HS3ST5: variants seen among roughly 807,000 people sequenced by gnomAD.
HS3ST5 encodes the protein heparan sulfate-glucosamine 3-sulfotransferase 5, also known as heparan sulfate glucosamine 3-O-sulfotransferase 5.
HS3ST5 carries 10 observed loss-of-function variants against 25.4 expected under a neutral mutation model. The observed-to-expected ratio is 0.39, with a 90% confidence interval of 0.24 to 0.67. The LOEUF (loss-of-function observed/expected upper bound fraction) is 0.67. Ranked by LOEUF, HS3ST5 falls within the 30% of genes least tolerant of loss-of-function variation. The pLI is 0.44. For synonymous variants in HS3ST5, 170 were observed against 162.4 expected (o/e 1.05, Z -0.36); for missense variants, 324 against 420.7 (o/e 0.77, Z 2.01).
At chr6:114,319,969 T>C (rs935267368) in intron 1 of HS3ST5, among the ~76,000 whole-genome samples, 1 of 152,102 alleles carries the variant, frequency 6.6e-6, no homozygotes, top group East Asian at 1.9e-4. Flanking sequence ...TGTTAGTTTT[T>C]CATTTGCATC....
chr6:114,255,516 G>A (rs909579664), intron 1 of HS3ST5, among the ~76,000 whole-genome samples: 2 of 152,268 alleles, frequency 1.3e-5, no homozygotes, highest in Admixed American at 6.5e-5. Context: ...TGGGAACTCT[G>A]TGTGGGAGCC....
At chr6:114,226,743 T>C (rs1223951305) in intron 2 of HS3ST5, among the ~76,000 whole-genome samples, 1 of 152,036 alleles carries the variant, frequency 6.6e-6, no homozygotes, top group African/African-American at 2.4e-5. Flanking sequence ...TCAGGTTCCC[T>C]GAAACTACAT....
chr6:114,115,916 T>G (rs1776503933), intron 3 of HS3ST5, among the ~76,000 whole-genome samples: 1 of 152,064 alleles, frequency 6.6e-6, no homozygotes, highest in Admixed American at 6.6e-5. Flanking sequence ...TATATGATCT[T>G]TTATGCCCTG....
chr6:114,066,191 C>T (rs559449624), intron 3 of HS3ST5, among the ~76,000 whole-genome samples: 38 of 152,344 alleles, frequency 2.5e-4, no homozygotes, highest in African/African-American at 9.1e-4. Flanking sequence ...AACCGACTGA[C>T]TGACTCAGAA....
At chr6:114,108,634 G>T (rs537489119) in intron 3 of HS3ST5, among the ~76,000 whole-genome samples, 11 of 152,118 alleles carry the variant, frequency 7.2e-5, no homozygotes, top group Admixed American at 2.0e-4. Context: ...AAAGGACCTA[G>T]GTCCATTTTC....
At chr6:114,313,140 T>C (rs1016988062) in intron 1 of HS3ST5, among the ~76,000 whole-genome samples, 3 of 147,478 alleles carry the variant, frequency 2.0e-5, no homozygotes, top group Admixed American at 6.9e-5. Context: ...AAAACCACAG[T>C]GAGAGATCAG....
At chr6:114,326,241 T>A (rs748762065) in intron 1 of HS3ST5, among the ~76,000 whole-genome samples, 9 of 151,920 alleles carry the variant, frequency 5.9e-5, no homozygotes, top group Non-Finnish European at 1.2e-4. Context: ...ATATAAAAAA[T>A]TAGCGGGGCA....
intron 3 of HS3ST5, among the ~76,000 whole-genome samples, chr6:114,146,239 A>T (rs1778156165): frequency 6.6e-6 from 1 of 152,272 alleles, no homozygotes; most frequent in South Asian, 2.1e-4. Context: ...TATTTGAAAT[A>T]GAAATCTGCG....
At chr6:114,119,942 C>T (rs559939005) in intron 3 of HS3ST5, among the ~76,000 whole-genome samples, 6 of 152,140 alleles carry the variant, frequency 3.9e-5, no homozygotes, top group Non-Finnish European at 5.9e-5. Context: ...GTCAGGAGTT[C>T]GAGACCGGCC....
At chr6:114,195,317 G>C (rs1052331616) in intron 2 of HS3ST5, among the ~76,000 whole-genome samples, 3 of 152,094 alleles carry the variant, frequency 2.0e-5, no homozygotes, top group Non-Finnish European at 4.4e-5. Flanking sequence ...AATCCTGTAT[G>C]CTGGAGAAAA....
chr6:114,119,691 C>T (rs1582621517), intron 3 of HS3ST5, among the ~76,000 whole-genome samples: 1 of 152,140 alleles, frequency 6.6e-6, no homozygotes, highest in African/African-American at 2.4e-5. Context: ...TATTCAATTA[C>T]AATAATGTCA....
At chr6:114,245,654 T>G (rs1385620123) in intron 1 of HS3ST5, among the ~76,000 whole-genome samples, 1 of 152,162 alleles carries the variant, frequency 6.6e-6, no homozygotes, top group African/African-American at 2.4e-5. Flanking sequence ...AGTAGACTGC[T>G]GAGAAGCTAG....
chr6:114,074,757 A>G (rs1164482667), intron 3 of HS3ST5, among the ~76,000 whole-genome samples: 1 of 152,174 alleles, frequency 6.6e-6, no homozygotes, highest in Non-Finnish European at 1.5e-5. Context: ...ATTGATAGCA[A>G]AAGTACAGCT....
At chr6:114,127,070 G>T (rs762593889) in intron 3 of HS3ST5, among the ~76,000 whole-genome samples, 2 of 151,998 alleles carry the variant, frequency 1.3e-5, no homozygotes, top group Non-Finnish European at 2.9e-5. Context: ...ACATCTTTTA[G>T]TCCTGCGAGT....
At chr6:114,177,800 ACT>A (rs945038055) in intron 2 of HS3ST5, among the ~76,000 whole-genome samples, 2 of 152,096 alleles carry the variant, frequency 1.3e-5, no homozygotes, top group Admixed American at 6.6e-5. Context: ...AAAGCAACAA[ACT>A]CTGTAAAATT....
chr6:114,323,369 G>A (rs1003106603), intron 1 of HS3ST5, among the ~76,000 whole-genome samples: 5 of 151,974 alleles, frequency 3.3e-5, no homozygotes, highest in Non-Finnish European at 7.4e-5. Context: ...TGTGTTGGGG[G>A]TGATACAGGT....
chr6:114,315,380 A>C (rs1228942708), intron 1 of HS3ST5, among the ~76,000 whole-genome samples: 1 of 152,188 alleles, frequency 6.6e-6, no homozygotes, highest in Non-Finnish European at 1.5e-5. Context: ...TATCCTAAAC[A>C]CATATTTAAG....
intron 2 of HS3ST5, among the ~76,000 whole-genome samples, chr6:114,197,943 T>C (rs1470082150): frequency 6.6e-6 from 1 of 152,024 alleles, no homozygotes; most frequent in East Asian, 1.9e-4. Context: ...CCTAACCAGA[T>C]TGAAATGTCT....
At chr6:114,326,430 G>A (rs529738143) in intron 1 of HS3ST5, among the ~76,000 whole-genome samples, 1 of 152,044 alleles carries the variant, frequency 6.6e-6, no homozygotes, top group Non-Finnish European at 1.5e-5. Context: ...CCCTCAATAA[G>A]TATTTGCCTA....
Sources: allele counts gnomAD v4.1 joint callset (sites outside exome capture counted in the v4.1 genomes callset), GRCh38; gene constraint gnomAD v4.1.1; transcripts MANE v1.5; gene names NCBI Gene and HGNC (gene_info 2026-07-23, HGNC 2026-07-21).